SUSD5: variants seen among roughly 807,000 people sequenced by gnomAD.
SUSD5 encodes sushi domain-containing protein 5.
SUSD5 carries 33 observed loss-of-function variants against 29.5 expected under a neutral mutation model. The observed-to-expected ratio is 1.12, with a 90% CI of 0.85 to 1.49. SUSD5 has a LOEUF of 1.49. Among genes scored for constraint, SUSD5 ranks in the 40% most tolerant of loss-of-function variants. The probability of loss-of-function intolerance (pLI) is 0.00; values close to 1 mark genes in which losing one functional copy is unlikely to be tolerated. For synonymous variants in SUSD5, 308 were observed against 325.3 expected, an observed-to-expected ratio of 0.95 and a Z score of 0.57; for missense variants, 776 against 800.6, an observed-to-expected ratio of 0.97 and a Z score of 0.37.
rs555019928 is a variant in SUSD5, at chr3:33,182,047, T to C, written c.410-6973A>G. Among the ~76,000 whole-genome samples the C allele has an allele frequency of 6.7e-4, 102 of 152,380 alleles. 1 individual carries two copies. The South Asian group carries it at 0.012, about 18-fold the overall frequency. On this transcript the variant is annotated intron_variant, in intron 3 of 4. Coordinates refer to ENST00000309558, the MANE Select transcript of SUSD5 (RefSeq NM_015551.2). Reference sequence around the variant, plus strand: ...AGGCTAAGATTATTGATTTTAGATCTTTCTTTTTTTCTAATATATGTATTC... The same window carrying C: ...AGGCTAAGATTATTGATTTTAGATCCTTCTTTTTTTCTAATATATGTATTC...
chr3:33,158,297 C>G (rs1308075756), intron 4 of SUSD5, among the ~76,000 whole-genome samples: 1 of 152,182 alleles, frequency 6.6e-6, no homozygotes, highest in African/African-American at 2.4e-5. Context: ...GAAAAGACGC[C>G]ATTGTTGAAG....
rs1181719483 is a variant in SUSD5 at position 33,196,201 on chromosome 3, G to A, written c.409+11607C>T. 4.6e-5 allele frequency among the ~76,000 whole-genome samples: 7 copies of A among 152,114 alleles called. No individual in the cohort carries two copies. In the East Asian group the frequency reaches 1.3e-3, roughly 29 times the overall value. On this transcript the variant is annotated intron_variant, in intron 3 of 4. Transcript: ENST00000309558. ...AAGCCAACCACACCATGGCTAAATT[G>A]GAATTGAATGCCACCTTGGGCCATG...
At chr3:33,197,631 T>G (rs2125628776) in intron 3 of SUSD5, among the ~76,000 whole-genome samples, 1 of 152,254 alleles carries the variant, frequency 6.6e-6, no homozygotes, top group South Asian at 2.1e-4. Context: ...CACCCTCCCC[T>G]ACTCCATACT....
chr3:33,216,252 TA>T (rs1438648409), intron 1 of SUSD5, among the ~76,000 whole-genome samples: 4 of 152,134 alleles, frequency 2.6e-5, no homozygotes, highest in Non-Finnish European at 4.4e-5. Context: ...GGAAAAACTT[TA>T]AAAAATAAAA....
chr3:33,154,804 T>C (rs1043943521), intron 4 of SUSD5, among the ~76,000 whole-genome samples: 5 of 152,208 alleles, frequency 3.3e-5, no homozygotes, highest in African/African-American at 9.6e-5. Flanking sequence ...GAATAGACCA[T>C]GATCATGTAG....
At chr3:33,185,129 T>C (rs2031751738) in intron 3 of SUSD5, among the ~76,000 whole-genome samples, 1 of 152,182 alleles carries the variant, frequency 6.6e-6, no homozygotes, top group Non-Finnish European at 1.5e-5. Flanking sequence ...GTGAACTTCA[T>C]CAGTGCTTCT....
At position 33,153,258 on chromosome 3, in the gene SUSD5, C is replaced by T. The variant is rs1048350209; in HGVS notation, c.1374G>A (p.Glu458=). 1.9e-6 allele frequency: 3 copies of T among 1,613,794 alleles called. No homozygotes were observed. In the African/African-American group the frequency reaches 4.0e-5, roughly 22 times the overall value. The change falls in exon 5 of 5, where the codon GAG becomes GAA. Residue 458 remains glutamate (E), a synonymous_variant. Coordinates refer to ENST00000309558, the MANE Select transcript of SUSD5 (RefSeq NM_015551.2). ...ALRPVNASET[E]GIGDGDLTKY... is the part of the protein sequence containing the mutation. ...TCGTCAAGTCACCATCCCCAATGCC[C>T]TCAGTCTCGGAAGCATTCACGGGTC...
intron 2 of SUSD5, among the ~76,000 whole-genome samples, chr3:33,213,494 A>C (rs1193360856): frequency 6.6e-6 from 1 of 152,212 alleles, no homozygotes; most frequent in African/African-American, 2.4e-5. Context: ...AAGTAAACTC[A>C]AACATGAACA....
At chr3:33,172,225 T>C (rs1384646215) in intron 4 of SUSD5, among the ~76,000 whole-genome samples, 1 of 144,776 alleles carries the variant, frequency 6.9e-6, no homozygotes, top group Non-Finnish European at 1.5e-5. Flanking sequence ...ACACACACTC[T>C]TCTTACAAGG....
At chr3:33,214,207 G>T in intron 1 of SUSD5, 102 bp from the exon 2 acceptor site, 2 of 1,150,564 alleles carry the variant, frequency 1.7e-6, no homozygotes, top group Non-Finnish European at 2.4e-6. Flanking sequence ...TGTAGTCCTT[G>T]CCTGAAGGCC....
At position 33,158,340 on chromosome 3, in the gene SUSD5, A is replaced by G. The variant is rs559531412; in HGVS notation, c.599-4307T>C. ...TGAATACAAACACACACAGGTGTGC[A>G]CCACATACGTGCACACAACACACAC... is the stretch of plus-strand genomic sequence containing the variant. On this transcript the variant is annotated intron_variant, in intron 4 of 4. Transcript: ENST00000309558. 1.3e-4 allele frequency among the ~76,000 whole-genome samples: 20 copies of G among 152,320 alleles called. No homozygotes were observed. In the South Asian group the frequency reaches 2.7e-3, roughly 21 times the overall value.
intron 3 of SUSD5, among the ~76,000 whole-genome samples, chr3:33,187,185 C>T (rs1323118900): frequency 6.6e-6 from 1 of 152,192 alleles, no homozygotes; most frequent in Admixed American, 6.5e-5. Flanking sequence ...CTGATTAATA[C>T]TTTCAGTCTC....
intron 1 of SUSD5, among the ~76,000 whole-genome samples, chr3:33,218,174 G>GAA (rs2032458142): frequency 6.6e-6 from 1 of 152,118 alleles, no homozygotes; most frequent in Non-Finnish European, 1.5e-5. Flanking sequence ...GACAGCCTTT[G>GAA]CACGTGCTTT....
intron 3 of SUSD5, among the ~76,000 whole-genome samples, chr3:33,201,041 GAA>G (rs2032107681): frequency 6.6e-6 from 1 of 152,160 alleles, no homozygotes; most frequent in Non-Finnish European, 1.5e-5. Context: ...TATCATTATT[GAA>G]AACAATGAGA....
Position 33,168,569 on chromosome 3 carries a change from C to CG in SUSD5, c.598+6316dup, listed in dbSNP as rs2031355801. 10 of 985,344 alleles carry CG rather than the reference C, an allele frequency of 1.0e-5. No homozygotes were observed. In the South Asian group the frequency reaches 3.8e-4, roughly 37 times the overall value. 61.0% of individuals were successfully genotyped at this position (985,344 alleles called of 1,614,324 possible). A position where few individuals can be genotyped will look rare whatever the true frequency, so the allele number is the denominator to read the frequency against. On this transcript the variant is annotated intron_variant, in intron 4 of 4. Transcript: ENST00000309558. ...GAGGAGGTGTGCTGCCCCGAGGCCT[C>CG]GTTCTCCTCCCCATCTCAGGGCCCT...
intron 3 of SUSD5, among the ~76,000 whole-genome samples, chr3:33,179,312 T>A (rs1322397318): frequency 6.6e-6 from 1 of 152,214 alleles, no homozygotes; most frequent in Non-Finnish European, 1.5e-5. Flanking sequence ...ATGTGACCTA[T>A]GAGCCTTCAG....
At chr3:33,170,621 G>C (rs1462958839) in intron 4 of SUSD5, among the ~76,000 whole-genome samples, 1 of 152,192 alleles carries the variant, frequency 6.6e-6, no homozygotes, top group Non-Finnish European at 1.5e-5. Flanking sequence ...CTACCCACCA[G>C]GTATGCGTGC....
intron 3 of SUSD5, among the ~76,000 whole-genome samples, chr3:33,184,726 A>G (rs189382370): frequency 6.6e-6 from 1 of 152,276 alleles, no homozygotes; most frequent in Admixed American, 6.5e-5. Flanking sequence ...TTTCTGTTAC[A>G]GTGCTCTTGA....
chr3:33,182,633 T>C (rs1389774680), intron 3 of SUSD5, among the ~76,000 whole-genome samples: 1 of 152,244 alleles, frequency 6.6e-6, no homozygotes, highest in East Asian at 1.9e-4. Context: ...AAGATGGTTA[T>C]GTCTTCTTAG....
Sources: allele counts gnomAD v4.1 joint callset (sites outside exome capture counted in the v4.1 genomes callset), GRCh38; gene constraint gnomAD v4.1.1; transcripts MANE v1.5; gene names NCBI Gene and HGNC (gene_info 2026-07-23, HGNC 2026-07-21).